The following BRWD1 variants were observed in gnomAD, a reference collection of about 807,000 sequenced individuals.
The protein encoded by BRWD1 is bromodomain and WD repeat domain containing 1.
BRWD1 carries 82 observed loss-of-function variants against 251.2 expected under a neutral mutation model. That is an observed-to-expected ratio of 0.33 (90% CI 0.27 to 0.39). The LOEUF (loss-of-function observed/expected upper bound fraction) is 0.39, where lower values mean the gene tolerates loss of function less well. BRWD1 is among the 10% of genes least tolerant of loss of function. BRWD1 has a pLI of 1.00. For synonymous variants in BRWD1, 918 were observed against 902.8 expected, an observed-to-expected ratio of 1.02 and a Z score of -0.30; for missense variants, 2,233 against 2,711.6, an observed-to-expected ratio of 0.82 and a Z score of 3.92.
chr21:39,276,086 T>C (rs1242303005), intron 12 of BRWD1, 87 bp downstream of exon 12: 39 of 1,165,420 alleles, frequency 3.3e-5, no homozygotes, highest in Non-Finnish European at 4.2e-5. Context: ...AAAAAATACA[T>C]ACAAAATGAC....
intron 36 of BRWD1, among the ~76,000 whole-genome samples, chr21:39,206,562 T>C (rs1448883488): frequency 6.6e-6 from 1 of 152,230 alleles, no homozygotes; most frequent in Non-Finnish European, 1.5e-5. Flanking sequence ...TATTCTAACA[T>C]CTGTATGTAC....
upstream of BRWD1, among the ~76,000 whole-genome samples, chr21:39,316,866 G>T (rs2036704327): frequency 6.6e-6 from 1 of 152,040 alleles, no homozygotes; most frequent in African/African-American, 2.4e-5. Flanking sequence ...AGAGCCGGGG[G>T]GGATTGACGC....
rs1297531391 is a variant in BRWD1 at position 39,297,980 on chromosome 21, T to C, written c.349+452A>G. The C allele has an allele frequency of 1.0e-5, 10 of 985,532 alleles. No homozygotes were observed. The African/African-American group carries it at 1.7e-4, about 17-fold the overall frequency. The allele number at this position is 985,532 out of a possible 1,614,324, so 61.0% of individuals were successfully genotyped here. On this transcript the variant is annotated intron_variant, in intron 5 of 40. Transcript: ENST00000342449. ...AAAAAAAGAACCATGCAGTTTTACA[T>C]TTGTGGTGCTTGTTTTCAAGCTGCT...
At chr21:39,283,250 A>G (rs2035529882) in intron 8 of BRWD1, among the ~76,000 whole-genome samples, 1 of 152,202 alleles carries the variant, frequency 6.6e-6, no homozygotes. Context: ...CATAAAAACA[A>G]AATCATTGGA....
At position 39,295,912 on chromosome 21, in the gene BRWD1, T is replaced by C; in HGVS notation, c.449-9A>G. 4 of 1,564,006 alleles carry C rather than the reference T, an allele frequency of 2.6e-6. No homozygotes were observed. The highest frequency in any genetic ancestry group is 3.5e-6 in the Non-Finnish European group (4 of 1,153,684). ...TCCTCGATGTATCTCCACTAGGAAA[T>C]AAAAACAATGAAAATGGTTAAGGGA... is the stretch of plus-strand genomic sequence containing the variant. On this transcript the variant is annotated splice_polypyrimidine_tract_variant and intron_variant, in intron 6 of 40. Coordinates refer to ENST00000342449, the MANE Select transcript of BRWD1 (RefSeq NM_033656.4).
intron 20 of BRWD1, 37 bp from the exon 21 acceptor site, chr21:39,247,869 C>A: frequency 6.4e-7 from 1 of 1,556,538 alleles, no homozygotes; most frequent in Non-Finnish European, 8.7e-7. Context: ...AAAATCAACA[C>A]CTAAATAAGG....
chr21:39,195,218 T>TG lies in BRWD1; in HGVS notation c.*1040dup. 9.6e-7 allele frequency: 1 copy of TG among 1,039,744 alleles called. No homozygotes were observed. The highest frequency in any genetic ancestry group is 1.7e-5 in the African/African-American group (1 of 58,084). 64.4% of individuals were successfully genotyped at this position (1,039,744 alleles called of 1,614,324 possible). On this transcript the variant is annotated 3_prime_UTR_variant, in exon 41 of 41. Transcript: ENST00000342449. Reference sequence around the variant, plus strand: ...GAAGCAGTAAACTAAAACAAAGAGATGGAGAATGACATTTAGCTATTTTCC... The same window carrying TG: ...GAAGCAGTAAACTAAAACAAAGAGATGGGAGAATGACATTTAGCTATTTTCC...
At chr21:39,231,426 T>C (rs1392972714) in intron 25 of BRWD1, among the ~76,000 whole-genome samples, 1 of 152,230 alleles carries the variant, frequency 6.6e-6, no homozygotes, top group Non-Finnish European at 1.5e-5. Flanking sequence ...TAAGTGACTG[T>C]GTGAATGCAC....
At chr21:39,247,887 C>T (rs2034251760) in intron 20 of BRWD1, 55 bp from the exon 21 acceptor site, 2 of 1,467,582 alleles carry the variant, frequency 1.4e-6, no homozygotes, top group East Asian at 2.5e-5. Context: ...AGGACAATAT[C>T]AACAAAATGG....
chr21:39,293,721 CAT>C (rs767883654), intron 8 of BRWD1, 88 bp downstream of exon 8: 8 of 944,400 alleles, frequency 8.5e-6, no homozygotes, highest in Non-Finnish European at 1.1e-5. Context: ...AACTAATACA[CAT>C]CTTACTATTT....
chr21:39,280,696 AG>A (rs1409653525), intron 8 of BRWD1, among the ~76,000 whole-genome samples: 1 of 152,246 alleles, frequency 6.6e-6, no homozygotes, highest in Non-Finnish European at 1.5e-5. Context: ...AGTACAATTA[AG>A]GTATTATCTC....
chr21:39,254,992 T>A (rs1357202730), intron 19 of BRWD1, among the ~76,000 whole-genome samples: 2 of 152,220 alleles, frequency 1.3e-5, no homozygotes, highest in East Asian at 3.8e-4. Context: ...TTATTTTATA[T>A]ATTTTAAAAT....
Position 39,187,944 on chromosome 21 carries a change from T to G in BRWD1, c.*8315A>C. The G allele has an allele frequency of 1.0e-6, 1 of 984,330 alleles. No individual in the cohort carries two copies. Among genetic ancestry groups the G allele is most frequent in the Non-Finnish European group, 1.2e-6 (1 of 828,980 alleles). The allele number at this position is 984,330 out of a possible 1,614,324, so 61.0% of individuals were successfully genotyped here. On this transcript the variant is annotated 3_prime_UTR_variant, in exon 41 of 41. Coordinates refer to ENST00000342449, the MANE Select transcript of BRWD1 (RefSeq NM_033656.4). ...GCTTTTAGACGAGAGGTGAAAATTGTGAAGGGATTTGCCAGACAAAAAGCA... is the reference window on the plus strand; with the variant it reads ...GCTTTTAGACGAGAGGTGAAAATTGGGAAGGGATTTGCCAGACAAAAAGCA...
chr21:39,220,766 A>T (rs1351315807), intron 29 of BRWD1, among the ~76,000 whole-genome samples: 1 of 152,228 alleles, frequency 6.6e-6, no homozygotes, highest in Non-Finnish European at 1.5e-5. Flanking sequence ...ACTTTTAGAG[A>T]TGAAAACAAC....
rs546972804 is a variant in BRWD1 at position 39,267,423 on chromosome 21, A to G, written c.1531-2404T>C. On this transcript the variant is annotated intron_variant, in intron 15 of 40. Coordinates refer to ENST00000342449, the MANE Select transcript of BRWD1 (RefSeq NM_033656.4). ...ATCCTGGCTAACATGGTGAAACCCCATCTCTACTAAAAACACAAAAATAAA... is the reference window on the plus strand; with the variant it reads ...ATCCTGGCTAACATGGTGAAACCCCGTCTCTACTAAAAACACAAAAATAAA... Among the ~76,000 whole-genome samples the G allele has an allele frequency of 1.9e-3, 290 of 152,174 alleles. 1 individual carries two copies. Among genetic ancestry groups the G allele is most frequent in the Non-Finnish European group, 3.3e-3 (224 of 68,002 alleles).
intron 29 of BRWD1, among the ~76,000 whole-genome samples, chr21:39,222,088 C>T (rs1306268170): frequency 1.3e-5 from 2 of 152,034 alleles, no homozygotes; most frequent in Non-Finnish European, 2.9e-5. Context: ...TTGGAACCCA[C>T]ATACACTGTT....
chr21:39,260,872 A>G (rs995446067), intron 17 of BRWD1, among the ~76,000 whole-genome samples: 1 of 152,198 alleles, frequency 6.6e-6, no homozygotes, highest in Admixed American at 6.5e-5. Flanking sequence ...AGGAGAGTGA[A>G]CTGCACACAA....
intron 21 of BRWD1, among the ~76,000 whole-genome samples, chr21:39,239,378 C>CT (rs1337057549): frequency 7.9e-5 from 12 of 152,036 alleles, no homozygotes; most frequent in South Asian, 2.1e-4. Context: ...AGACTGGTGT[C>CT]TAGGATTTAT....
chr21:39,201,548 T>C (rs546738706), intron 38 of BRWD1, among the ~76,000 whole-genome samples: 3 of 152,350 alleles, frequency 2.0e-5, no homozygotes, highest in African/African-American at 7.2e-5. Flanking sequence ...CCTTCTTTCC[T>C]TCAGTGCATT....
Sources: gnomAD v4.1 joint callset for allele counts (sites outside exome capture counted in the v4.1 genomes callset) on GRCh38, gnomAD v4.1.1 for gene constraint, MANE v1.5 for transcripts, NCBI Gene and HGNC (gene_info 2026-07-23, HGNC 2026-07-21) for gene names.